Variants in CHRM3 observed in about 807,000 individuals in gnomAD.
The protein encoded by CHRM3 is cholinergic receptor muscarinic 3.
CHRM3 carries 11 observed loss-of-function variants against 41.8 expected under a neutral mutation model. That is an observed-to-expected ratio of 0.26 (90% CI 0.17 to 0.44). The LOEUF is 0.44. CHRM3 is among the 20% of genes least tolerant of loss of function. The probability of loss-of-function intolerance (pLI) is 1.00; values close to 1 mark genes in which losing one functional copy is unlikely to be tolerated. For synonymous variants in CHRM3, 297 were observed against 301.4 expected, an observed-to-expected ratio of 0.99 and a Z score of 0.15; for missense variants, 571 against 745.4, an observed-to-expected ratio of 0.77 and a Z score of 2.72.
intron 1 of CHRM3, among the ~76,000 whole-genome samples, chr1:239,487,651 C>T (rs1667265094): frequency 6.6e-6 from 1 of 151,880 alleles, no homozygotes; most frequent in Non-Finnish European, 1.5e-5. Flanking sequence ...GACTACATTG[C>T]AATTCCAATC....
At chr1:239,567,572 A>C (rs534046065) in intron 3 of CHRM3, among the ~76,000 whole-genome samples, 1 of 152,304 alleles carries the variant, frequency 6.6e-6, no homozygotes, top group East Asian at 1.9e-4. Flanking sequence ...TTGAAGCAAT[A>C]ATTAAAACAG....
intron 1 of CHRM3, among the ~76,000 whole-genome samples, chr1:239,432,478 G>A (rs1319969579): frequency 1.3e-5 from 2 of 152,148 alleles, no homozygotes; most frequent in African/African-American, 2.4e-5. Context: ...TTGCTGTTAC[G>A]TGAAGAGTGA....
At chr1:239,473,229 T>C (rs978676793) in intron 1 of CHRM3, among the ~76,000 whole-genome samples, 2 of 141,358 alleles carry the variant, frequency 1.4e-5, no homozygotes, top group Non-Finnish European at 3.1e-5. Context: ...AAGAAAATAC[T>C]GATCCATTTA....
intron 5 of CHRM3, among the ~76,000 whole-genome samples, chr1:239,734,055 C>T (rs1400234935): frequency 6.6e-6 from 1 of 152,010 alleles, no homozygotes; most frequent in Admixed American, 6.6e-5. Flanking sequence ...TATTTTTATC[C>T]ATGATGTGAC....
At chr1:239,450,052 C>CA (rs1664450833) in intron 1 of CHRM3, among the ~76,000 whole-genome samples, 1 of 152,144 alleles carries the variant, frequency 6.6e-6, no homozygotes, top group Non-Finnish European at 1.5e-5. Context: ...TTGTCAAGAA[C>CA]ACGTTTTGCA....
intron 5 of CHRM3, among the ~76,000 whole-genome samples, chr1:239,744,343 G>C (rs1055388017): frequency 6.6e-6 from 1 of 152,072 alleles, no homozygotes. Context: ...TATTCTAGGG[G>C]AAAAATACAA....
At chr1:239,883,811 C>G (rs1364205231) in intron 6 of CHRM3, among the ~76,000 whole-genome samples, 4 of 152,202 alleles carry the variant, frequency 2.6e-5, no homozygotes, top group African/African-American at 9.7e-5. Context: ...CAAAATGTCT[C>G]CTGTCTACTG....
At chr1:239,456,326 T>C (rs1252694556) in intron 1 of CHRM3, among the ~76,000 whole-genome samples, 1 of 152,150 alleles carries the variant, frequency 6.6e-6, no homozygotes, top group Non-Finnish European at 1.5e-5. Context: ...GGTAAACCGT[T>C]TTTTATCTTT....
At chr1:239,690,553 C>T (rs189052809) in intron 5 of CHRM3, among the ~76,000 whole-genome samples, 15 of 151,780 alleles carry the variant, frequency 9.9e-5, no homozygotes, top group African/African-American at 3.6e-4. Context: ...TGAATCCCAG[C>T]TAGGCAAAAT....
At chr1:239,618,798 C>T (rs1381731266) in intron 3 of CHRM3, among the ~76,000 whole-genome samples, 74 of 138,284 alleles carry the variant, frequency 5.4e-4, no homozygotes, top group Non-Finnish European at 9.7e-4. Context: ...GAGCCGAGAT[C>T]GCGCCCCTGC....
intron 5 of CHRM3, among the ~76,000 whole-genome samples, chr1:239,797,908 G>A (rs548789683): frequency 6.6e-6 from 1 of 152,094 alleles, no homozygotes; most frequent in Non-Finnish European, 1.5e-5. Flanking sequence ...AATTAGCTGG[G>A]CCTAGTGACT....
intron 2 of CHRM3, among the ~76,000 whole-genome samples, chr1:239,522,736 T>C (rs1669738258): frequency 6.6e-6 from 1 of 152,184 alleles, no homozygotes; most frequent in South Asian, 2.1e-4. Flanking sequence ...CCAAGAACTA[T>C]GTGGCCTTAC....
chr1:239,478,172 A>G (rs115949935), intron 1 of CHRM3, among the ~76,000 whole-genome samples: 146 of 152,310 alleles, frequency 9.6e-4, no homozygotes, highest in African/African-American at 3.2e-3. Flanking sequence ...TGATGAAAGG[A>G]AAGTCCTGAT....
intron 6 of CHRM3, among the ~76,000 whole-genome samples, chr1:239,872,464 A>G (rs1676673617): frequency 6.6e-6 from 1 of 152,106 alleles, no homozygotes; most frequent in South Asian, 2.1e-4. Flanking sequence ...CCCAAAGAGA[A>G]CTAAACACCC....
At chr1:239,840,585 T>C (rs991463535) in intron 6 of CHRM3, among the ~76,000 whole-genome samples, 14 of 152,280 alleles carry the variant, frequency 9.2e-5, no homozygotes, top group African/African-American at 2.9e-4. Context: ...GTACACACCA[T>C]TGATGGATGG....
intron 3 of CHRM3, among the ~76,000 whole-genome samples, chr1:239,601,300 A>G (rs1488128617): frequency 2.0e-5 from 3 of 151,818 alleles, no homozygotes; most frequent in Non-Finnish European, 2.9e-5. Context: ...GAGTAATGGC[A>G]ATGTTGGGTT....
intron 5 of CHRM3, among the ~76,000 whole-genome samples, chr1:239,757,557 G>A (rs1275946637): frequency 1.3e-5 from 2 of 151,684 alleles, no homozygotes; most frequent in African/African-American, 4.8e-5. Flanking sequence ...GTGAACCCGG[G>A]AGGTGGAGCT....
intron 3 of CHRM3, among the ~76,000 whole-genome samples, chr1:239,581,453 T>G (rs566504894): frequency 0.013 from 645 of 50,196 alleles, 3 homozygotes; most frequent in African/African-American, 0.039. Context: ...TGCGTGTGTG[T>G]GTGGGTGGGT....
At chr1:239,429,234 T>C (rs10925884) in intron 1 of CHRM3, among the ~76,000 whole-genome samples, 85,346 of 151,954 alleles carry the variant, frequency 0.56, 24,264 homozygotes, top group South Asian at 0.63. Flanking sequence ...CTTTTGCCTG[T>C]GAAAATCTAG....
Sources: allele counts gnomAD v4.1 joint callset (sites outside exome capture counted in the v4.1 genomes callset), GRCh38; gene constraint gnomAD v4.1.1; transcripts MANE v1.5; gene names NCBI Gene and HGNC (gene_info 2026-07-23, HGNC 2026-07-21).